The following COPB1 variants were observed in gnomAD, a reference collection of about 807,000 sequenced individuals.
COPB1 encodes coat protein complex I subunit beta 1.
A neutral mutation model predicts 108.7 loss-of-function variants in COPB1; 21 were observed. The ratio of observed to expected loss-of-function variants is 0.19; its 90% CI spans 0.14 to 0.28. The LOEUF is 0.28. Among genes scored for constraint, COPB1 ranks in the 10% least tolerant of loss-of-function variants. COPB1 has a pLI of 1.00. For synonymous variants in COPB1, 378 were observed against 386.8 expected (o/e 0.98, Z 0.27); for missense variants, 919 against 1,141.3 (o/e 0.81, Z 2.81).
At chr11:14,473,835 T>G (rs1177147505) in intron 14 of COPB1, among the ~76,000 whole-genome samples, 2 of 139,098 alleles carry the variant, frequency 1.4e-5, no homozygotes, top group Admixed American at 1.6e-4. Flanking sequence ...AAACCTTCAT[T>G]TGTTTAAAAA....
chr11:14,483,247 C>T, intron 7 of COPB1, 96 bp from the exon 8 acceptor site: 1 of 668,072 alleles, frequency 1.5e-6, no homozygotes, highest in African/African-American at 1.8e-5. Context: ...CACACACACA[C>T]ACACACACAC....
At chr11:14,485,606 G>A (rs891477017) in intron 7 of COPB1, among the ~76,000 whole-genome samples, 2 of 152,194 alleles carry the variant, frequency 1.3e-5, no homozygotes, top group African/African-American at 2.4e-5. Flanking sequence ...CAGCATTTTG[G>A]GAAGCCGAGG....
chr11:14,470,899 TACACACACACACAC>T (rs56957263), intron 14 of COPB1, among the ~76,000 whole-genome samples: 29,921 of 134,736 alleles, frequency 0.22, 3,568 homozygotes, highest in Admixed American at 0.33. Flanking sequence ...GTGGAAGAAA[TACACACACACACAC>T]ACACACACAC....
chr11:14,481,238 A>G, intron 8 of COPB1, 141 bp from the exon 9 acceptor site: 1 of 638,698 alleles, frequency 1.6e-6, no homozygotes, highest in Non-Finnish European at 2.7e-6. Flanking sequence ...TGGAAGAACT[A>G]GATAGTTTGG....
intron 2 of COPB1, 69 bp downstream of exon 2, chr11:14,498,769 T>C: frequency 1.6e-6 from 2 of 1,248,106 alleles, no homozygotes; most frequent in Non-Finnish European, 2.2e-6. Flanking sequence ...TAAAGGAATA[T>C]GAAATATGAG....
rs1289455355 is a variant in COPB1, at chr11:14,490,668, T to C, written c.503A>G (p.His168Arg). ...AIYTIYRNFE[H>R]LIPDAPELIH... The stretch of plus-strand genomic sequence containing the variant: ...CAGTTCAGGAGCATCAGGTATAAGA[T>C]GTTCAAAATTTCTTTAAATAAAACA... The change falls in exon 5 of 22, where the codon CAT becomes CGT. Residue 168 changes from histidine to arginine, a missense_variant. This residue lies in a region of COPB1 where 78 missense variants were observed against 95.4 expected (regional missense o/e 0.82). Transcript: ENST00000439561. 2.5e-6 allele frequency: 4 copies of C among 1,596,300 alleles called. No individual in the cohort carries two copies. In the Admixed American group the frequency reaches 7.0e-5, roughly 28 times the overall value.
intron 20 of COPB1, among the ~76,000 whole-genome samples, chr11:14,459,087 TA>T (rs1850088273): frequency 6.6e-6 from 1 of 152,100 alleles, no homozygotes; most frequent in Non-Finnish European, 1.5e-5. Context: ...ATTTATCACT[TA>T]AAACAGTACT....
At chr11:14,499,245 A>G (rs563140522) in intron 1 of COPB1, among the ~76,000 whole-genome samples, 1 of 152,250 alleles carries the variant, frequency 6.6e-6, no homozygotes, top group Non-Finnish European at 1.5e-5. Flanking sequence ...CAGTCCCCCC[A>G]GCCACACCCC....
At chr11:14,460,166 T>G (rs1416043952) in intron 20 of COPB1, 42 bp downstream of exon 20, 1 of 1,294,362 alleles carries the variant, frequency 7.7e-7, no homozygotes, top group Admixed American at 1.7e-5. Context: ...GAACCTACTC[T>G]ACCATTCCAT....
chr11:14,499,382 T>G (rs1851099880), intron 1 of COPB1, among the ~76,000 whole-genome samples: 1 of 152,186 alleles, frequency 6.6e-6, no homozygotes, highest in Non-Finnish European at 1.5e-5. Context: ...GGGTTCCGAC[T>G]CTATGTCCGC....
rs2134102408 is a variant in COPB1, at chr11:14,470,841, C to G, written c.1738-1278G>C. 1.3e-5 allele frequency among the ~76,000 whole-genome samples: 2 copies of G among 150,412 alleles called. 1 individual carries two copies. Among genetic ancestry groups the G allele is most frequent in the South Asian group, 4.2e-4 (2 of 4,762 alleles). On this transcript the variant is annotated intron_variant, in intron 14 of 21. Coordinates refer to ENST00000439561, the MANE Select transcript of COPB1 (RefSeq NM_001144061.2). ...TGAAGAAAACCACACTAAGGCATAT[C>G]CTAATCAAATTACTGAAACCAAGTG...
chr11:14,468,457 T>C (rs1485650567), intron 16 of COPB1, among the ~76,000 whole-genome samples: 1 of 152,228 alleles, frequency 6.6e-6, no homozygotes, highest in East Asian at 1.9e-4. Flanking sequence ...TATTGGTCTA[T>C]GATTCCAGAC....
Position 14,499,631 on chromosome 11 carries a change from G to C in COPB1, c.-58+76C>G, listed in dbSNP as rs930303923. ...CACCCGGTCCCTTCTGCCAGGCCCA[G>C]ACGCAAGCGGCCTAGTCGCTCCCCT... On this transcript the variant is annotated intron_variant, in intron 1 of 21. Coordinates refer to ENST00000439561, the MANE Select transcript of COPB1 (RefSeq NM_001144061.2). 12 of 119,206 alleles carry C rather than the reference G, an allele frequency of 1.0e-4. No individual in the cohort carries two copies. In the East Asian group the frequency reaches 3.0e-3, roughly 30 times the overall value. 7.4% of individuals were successfully genotyped at this position (119,206 alleles called of 1,614,324 possible). A position where few individuals can be genotyped will look rare whatever the true frequency, so the allele number is the denominator to read the frequency against.
chr11:14,480,204 C>T (rs1355875479), intron 10 of COPB1, among the ~76,000 whole-genome samples: 1 of 152,120 alleles, frequency 6.6e-6, no homozygotes, highest in East Asian at 1.9e-4. Flanking sequence ...ATTTTATGTG[C>T]AGCAAAATTT....
At chr11:14,472,414 C>G (rs1377631618) in intron 14 of COPB1, among the ~76,000 whole-genome samples, 1 of 152,212 alleles carries the variant, frequency 6.6e-6, no homozygotes, top group Non-Finnish European at 1.5e-5. Flanking sequence ...TGTTGTTCCA[C>G]TGACAGAGCA....
chr11:14,491,614 A>G (rs937250043), intron 4 of COPB1, among the ~76,000 whole-genome samples: 3 of 151,492 alleles, frequency 2.0e-5, no homozygotes. Flanking sequence ...GGCTGCAGTA[A>G]GCTGAGATCG....
intron 2 of COPB1, chr11:14,494,703 T>C (rs1053571747): frequency 3.1e-6 from 1 of 326,076 alleles, no homozygotes; most frequent in East Asian, 5.3e-5. Context: ...TCCTAACCAA[T>C]TGAGTTAATG....
chr11:14,468,738 T>G lies in COPB1; in HGVS notation c.2088A>C (p.Ala696=), dbSNP rs1565013922. The part of the protein sequence containing the change: ...EDQFQLSLLA[A]MGNTQRKEAA... ...CCTCTTTCCTCTGTGTGTTACCCAT[T>G]GCTGCCAGTAAACTCAGCTGAAACT... is the stretch of plus-strand genomic sequence containing the variant. The change falls in exon 16 of 22, where the codon GCA becomes GCC. Residue 696 remains alanine, a synonymous_variant. Coordinates refer to ENST00000439561, the MANE Select transcript of COPB1 (RefSeq NM_001144061.2). 1 of 1,614,058 alleles carries G rather than the reference T, an allele frequency of 6.2e-7. No homozygotes were observed. The highest frequency in any genetic ancestry group is 8.5e-7 in the Non-Finnish European group (1 of 1,180,028).
intron 7 of COPB1, among the ~76,000 whole-genome samples, chr11:14,485,127 A>T (rs1413965540): frequency 2.6e-5 from 4 of 152,134 alleles, no homozygotes; most frequent in Non-Finnish European, 4.4e-5. Context: ...CAGCCTTCAG[A>T]ATAGCTGGGA....
Sources: allele counts gnomAD v4.1 joint callset (sites outside exome capture counted in the v4.1 genomes callset), GRCh38; gene constraint gnomAD v4.1.1; regional missense constraint gnomAD v4.1.1; transcripts MANE v1.5; gene names NCBI Gene and HGNC (gene_info 2026-07-23, HGNC 2026-07-21).